Variants in ARHGEF1 observed in about 807,000 individuals in gnomAD.
ARHGEF1 encodes the protein Rho guanine nucleotide exchange factor 1.
In ARHGEF1, 40 loss-of-function variants were observed where a neutral mutation model predicts 119.7. The ratio of observed to expected loss-of-function variants is 0.33; its 90% CI spans 0.26 to 0.44. The LOEUF is 0.44. ARHGEF1 is among the 20% of genes least tolerant of loss of function. The probability of loss-of-function intolerance (pLI) is 1.00; values close to 1 mark genes in which losing one functional copy is unlikely to be tolerated. For synonymous variants in ARHGEF1, 494 were observed against 521.0 expected (o/e 0.95, Z 0.71); for missense variants, 976 against 1,268.3 (o/e 0.77, Z 3.50).
intron 4 of ARHGEF1, among the ~76,000 whole-genome samples, chr19:41,891,085 C>T (rs1234563965): frequency 1.3e-5 from 2 of 152,034 alleles, no homozygotes; most frequent in Non-Finnish European, 2.9e-5. Flanking sequence ...CCCACTTGTC[C>T]ACCTGTTCTT....
chr19:41,888,609 AT>A lies in ARHGEF1; in HGVS notation c.112-137del. 2 of 703,118 alleles carry A rather than the reference AT, an allele frequency of 2.8e-6. No homozygotes were observed. The highest frequency in any genetic ancestry group is 4.9e-6 in the Non-Finnish European group (2 of 408,964). 43.6% of individuals were successfully genotyped at this position (703,118 alleles called of 1,614,324 possible). A position where few individuals can be genotyped will look rare whatever the true frequency, so the allele number is the denominator to read the frequency against. On this transcript the variant is annotated intron_variant, in intron 3 of 28. Coordinates refer to ENST00000354532, the MANE Select transcript of ARHGEF1 (RefSeq NM_004706.4). This position sits in a 1 kb window ranked among gnomAD's most constrained non-coding sequence, Gnocchi z 5.1. ...AACACCTGCCCTTGCTGTCACCATC[AT>A]TTTTTGGACACTGTCACCACTCCCC...
intron 1 of ARHGEF1, chr19:41,928,787 C>T (rs1337447047): frequency 5.0e-6 from 2 of 396,116 alleles, no homozygotes; most frequent in Non-Finnish European, 1.0e-5. Flanking sequence ...GAGAGACCCC[C>T]CTCCTCTCCC....
chr19:41,923,144 A>G (rs1555852787), exon 1 of ARHGEF1: 2 of 456,464 alleles, frequency 4.4e-6, no homozygotes. Context: ...ATGGATGCCC[A>G]TTTCACAGAT....
chr19:41,926,716 G>T lies in ARHGEF1; in HGVS notation c.141-2115G>T, dbSNP rs920269227. On this transcript the variant is annotated intron_variant, in intron 1 of 2. Transcript: ENST00000594417. ...TCTGGGCCGCGGCGGCCGGCCGGGA[G>T]GGGGGAGCGGGCGGGGGGGCCGTTT... Among the ~76,000 whole-genome samples the T allele has an allele frequency of 3.9e-5, 6 of 152,168 alleles. No homozygotes were observed. The South Asian group carries it at 1.0e-3, about 26-fold the overall frequency.
At chr19:41,913,093 A>C (rs1272406891) in intron 18 of ARHGEF1, among the ~76,000 whole-genome samples, 1 of 149,020 alleles carries the variant, frequency 6.7e-6, no homozygotes, top group Non-Finnish European at 1.5e-5. Context: ...TCCCGCAGGC[A>C]CCGCTCTGTC....
intron 1 of ARHGEF1, among the ~76,000 whole-genome samples, chr19:41,927,554 A>C (rs2074878883): frequency 1.3e-5 from 2 of 151,970 alleles, no homozygotes; most frequent in African/African-American, 4.8e-5. Flanking sequence ...AACCTCAGAT[A>C]TCTAGATCTT....
At chr19:41,912,670 T>C (rs2074760289) in intron 18 of ARHGEF1, among the ~76,000 whole-genome samples, 1 of 152,220 alleles carries the variant, frequency 6.6e-6, no homozygotes, top group Admixed American at 6.5e-5. Context: ...CAGGGGAATC[T>C]GGCTGCGAAG....
downstream of ARHGEF1, chr19:41,908,456 G>T: frequency 8.1e-7 from 1 of 1,231,320 alleles, no homozygotes; most frequent in Non-Finnish European, 1.0e-6. The surrounding 1 kb of genome is among the most constrained non-coding windows in gnomAD (Gnocchi z 6.7). Flanking sequence ...CCCCTGTCGA[G>T]GCCAGCAGGG....
chr19:41,906,322 G>T lies in ARHGEF1; in HGVS notation c.2492-135G>T. ...CTTCTTCACCTCCCTTTGGATCCCCGAACCCCATCTGCTCAGCCTTGCCTG... is the reference window on the plus strand; with the variant it reads ...CTTCTTCACCTCCCTTTGGATCCCCTAACCCCATCTGCTCAGCCTTGCCTG... On this transcript the variant is annotated intron_variant, in intron 26 of 28. Transcript: ENST00000354532. The surrounding 1 kb of genome is among the most constrained non-coding windows in gnomAD (Gnocchi z 4.5). 1.1e-6 allele frequency: 1 copy of T among 905,220 alleles called. No homozygotes were observed. The highest frequency in any genetic ancestry group is 1.7e-6 in the Non-Finnish European group (1 of 602,718). 56.1% of individuals were successfully genotyped at this position (905,220 alleles called of 1,614,324 possible). A position where few individuals can be genotyped will look rare whatever the true frequency, so the allele number is the denominator to read the frequency against.
At chr19:41,911,162 G>T (rs893895107), downstream of ARHGEF1, among the ~76,000 whole-genome samples, 1 of 152,126 alleles carries the variant, frequency 6.6e-6, no homozygotes, top group African/African-American at 2.4e-5. Flanking sequence ...GGCTCACTCA[G>T]CATCACGTCT....
upstream of ARHGEF1, among the ~76,000 whole-genome samples, chr19:41,922,550 G>A (rs2074848442): frequency 6.6e-6 from 1 of 152,150 alleles, no homozygotes; most frequent in Non-Finnish European, 1.5e-5. Flanking sequence ...TGGGGTCAAA[G>A]ACCCAGGAGG....
chr19:41,892,847 G>T lies in ARHGEF1; in HGVS notation c.612G>T (p.Met204Ile). 2 of 1,537,936 alleles carry T rather than the reference G, an allele frequency of 1.3e-6. No individual in the cohort carries two copies. The highest frequency in any genetic ancestry group is 1.7e-6 in the Non-Finnish European group (2 of 1,145,292). ...AERLLMHLEE[M>I]QHTISTDEEK... Reference sequence around the variant, plus strand: ...GGCTGCTCATGCACCTGGAGGAGATGCAGTGAGTAGGCCAGCCCTGGTGGG... The same window carrying T: ...GGCTGCTCATGCACCTGGAGGAGATTCAGTGAGTAGGCCAGCCCTGGTGGG... The change falls in exon 7 of 29, where the codon ATG (methionine) becomes ATT (isoleucine). Residue 204 changes from methionine to isoleucine, a missense_variant and splice_region_variant. This residue lies in a region of ARHGEF1 where 519 missense variants were observed against 580.9 expected (regional missense o/e 0.89). Coordinates refer to ENST00000354532, the MANE Select transcript of ARHGEF1 (RefSeq NM_004706.4). The surrounding 1 kb of genome is among the most constrained non-coding windows in gnomAD (Gnocchi z 6.3).
intron 13 of ARHGEF1, chr19:41,896,787 TCCCCCTCCTCTCTCACCTC>T (rs2074498694): frequency 1.1e-5 from 5 of 443,772 alleles, no homozygotes; most frequent in African/African-American, 5.2e-5. Flanking sequence ...CTCCTTTATT[TCCCCCTCCTCTCTCACCTC>T]CCCTCTCCTC....
At chr19:41,900,793 T>G (rs1247679332) in intron 14 of ARHGEF1, 2 of 146,166 alleles carry the variant, frequency 1.4e-5, no homozygotes, top group African/African-American at 5.1e-5. Flanking sequence ...CTGGTTTTTT[T>G]TTTTTTTTTT....
Position 41,902,291 on chromosome 19 carries a change from C to T in ARHGEF1, c.1432C>T (p.Leu478=). ...IEVHSLFLDR[L]MKRRQESGYL... ...CCCCACAGCCCTGTTCCTCGATCGC[C>T]TGATGAAGCGGAGGCAGGAGAGTGG... Residue 478 remains leucine (L), a synonymous_variant, in exon 16 of 29, where the codon CTG becomes TTG. Transcript: ENST00000354532. The surrounding 1 kb of genome is among the most constrained non-coding windows in gnomAD (Gnocchi z 6.5). 1 of 1,614,204 alleles carries T rather than the reference C, an allele frequency of 6.2e-7. No homozygotes were observed. Among genetic ancestry groups the T allele is most frequent in the Non-Finnish European group, 8.5e-7 (1 of 1,180,040 alleles).
rs1555850346 is a variant in ARHGEF1 at position 41,906,771 on chromosome 19, G to T, written c.2724G>T (p.Gln908His). 6.2e-7 allele frequency: 1 copy of T among 1,611,412 alleles called. No homozygotes were observed. The highest frequency in any genetic ancestry group is 8.5e-7 in the Non-Finnish European group (1 of 1,178,920). The change falls in exon 28 of 29, where the codon CAG (glutamine) becomes CAT (histidine). Residue 908 changes from glutamine (Q) to histidine (H), a missense_variant. Physicochemically the swap from Gln to His is conservative, Grantham distance 24. Transcript: ENST00000354532. The surrounding 1 kb of genome is among the most constrained non-coding windows in gnomAD (Gnocchi z 4.5). ...LSQLGGNSVPQPGCT is the reference protein window; with the variant it reads ...LSQLGGNSVPHPGCT ...AGCTTGGGGGGAACTCTGTCCCCCA[G>T]CCTGGCTGCACTTGAGGTTCCCGCC...
rs1002178666 is a variant in ARHGEF1 at position 41,916,053 on chromosome 19, T to C, written c.1866-7039T>C. Among the ~76,000 whole-genome samples, 16 of 146,828 alleles carry C rather than the reference T, an allele frequency of 1.1e-4. No homozygotes were observed. Among genetic ancestry groups the C allele is most frequent in the Non-Finnish European group, 1.9e-4 (13 of 66,788 alleles). On this transcript the variant is annotated intron_variant, in intron 18 of 20. Coordinates refer to the ARHGEF1 transcript ENST00000599589. The surrounding 1 kb of genome is among the most constrained non-coding windows in gnomAD (Gnocchi z 5.4). ...CCCCCATCTCTACCGCCCGCAGCCA[T>C]GGCACCGAATGTGTGTGCGCATGTG...
intron 1 of ARHGEF1, among the ~76,000 whole-genome samples, chr19:41,886,917 C>T (rs781784441): frequency 2.0e-5 from 3 of 152,134 alleles, no homozygotes; most frequent in Non-Finnish European, 4.4e-5. Flanking sequence ...ACACGGGCTC[C>T]GTGGCATTAG....
Position 41,903,872 on chromosome 19 carries a change from C to T in ARHGEF1, c.1917+88C>T. The T allele has an allele frequency of 6.9e-7, 1 of 1,442,830 alleles. No homozygotes were observed. The highest frequency in any genetic ancestry group is 9.7e-7 in the Non-Finnish European group (1 of 1,030,514). 89.4% of individuals were successfully genotyped at this position (1,442,830 alleles called of 1,614,324 possible). On this transcript the variant is annotated intron_variant, in intron 20 of 28. Coordinates refer to ENST00000354532, the MANE Select transcript of ARHGEF1 (RefSeq NM_004706.4). The surrounding 1 kb of genome is among the most constrained non-coding windows in gnomAD (Gnocchi z 4.2). ...ACAGCCCCCAGCCTGTCCTGCCCAT[C>T]CCATAATACACCCAGGAAGCGAGAG...
Sources: gnomAD v4.1 joint callset for allele counts (sites outside exome capture counted in the v4.1 genomes callset) on GRCh38, gnomAD v4.1.1 for gene constraint, gnomAD v4.1.1 regional missense constraint, Gnocchi (gnomAD v3.1) non-coding constraint, MANE v1.5 for transcripts, NCBI Gene and HGNC (gene_info 2026-07-23, HGNC 2026-07-21) for gene names.